PDE10A: variants seen among roughly 807,000 people sequenced by gnomAD.
PDE10A encodes cAMP and cAMP-inhibited cGMP 3',5'-cyclic phosphodiesterase 10A.
In PDE10A, 39 loss-of-function variants were observed where a neutral mutation model predicts 97.7. The ratio of observed to expected loss-of-function variants is 0.40; its 90% CI spans 0.31 to 0.52. The LOEUF (loss-of-function observed/expected upper bound fraction) is 0.52, where lower values mean the gene tolerates loss of function less well. Ranked by LOEUF, PDE10A falls within the 20% of genes least tolerant of loss-of-function variation. The pLI, the probability that PDE10A is intolerant of heterozygous loss-of-function variation, is 0.56. For synonymous variants in PDE10A, 371 were observed against 376.8 expected, an observed-to-expected ratio of 0.98 and a Z score of 0.18; for missense variants, 731 against 1,047.8, an observed-to-expected ratio of 0.70 and a Z score of 4.17.
chr6:165,359,101 C>A (rs1455904862), intron 18 of PDE10A, among the ~76,000 whole-genome samples: 3 of 151,984 alleles, frequency 2.0e-5, no homozygotes, highest in African/African-American at 7.2e-5. Flanking sequence ...CAAACCCTAT[C>A]TTACCCTAGT....
chr6:165,352,487 T>A (rs552281056), intron 18 of PDE10A, among the ~76,000 whole-genome samples: 1 of 152,272 alleles, frequency 6.6e-6, no homozygotes, highest in Admixed American at 6.5e-5. Context: ...TACCATATAT[T>A]AGCTATAAAG....
At chr6:165,960,705 A>G (rs1051244277) in intron 1 of PDE10A, among the ~76,000 whole-genome samples, 1 of 152,204 alleles carries the variant, frequency 6.6e-6, no homozygotes, top group Admixed American at 6.5e-5. Flanking sequence ...AAATGCAGAT[A>G]TGAGGGCGCT....
chr6:165,475,013 T>C (rs533283749), intron 3 of PDE10A, among the ~76,000 whole-genome samples: 7 of 152,220 alleles, frequency 4.6e-5, no homozygotes, highest in African/African-American at 1.7e-4. Flanking sequence ...TCCCTGGACC[T>C]CATCCCCTGC....
intron 18 of PDE10A, among the ~76,000 whole-genome samples, chr6:165,354,474 A>T (rs955793353): frequency 6.6e-6 from 1 of 152,158 alleles, no homozygotes; most frequent in Non-Finnish European, 1.5e-5. Flanking sequence ...TATAAAAGCC[A>T]CTCCAAGCTG....
intron 1 of PDE10A, among the ~76,000 whole-genome samples, chr6:165,749,818 C>A (rs890147596): frequency 1.3e-5 from 2 of 152,180 alleles, no homozygotes; most frequent in African/African-American, 4.8e-5. Context: ...TCTGAAATGC[C>A]TCAAGTTTCC....
chr6:165,398,943 G>A (rs1183953939), intron 13 of PDE10A, among the ~76,000 whole-genome samples: 2 of 152,010 alleles, frequency 1.3e-5, no homozygotes, highest in African/African-American at 2.4e-5. Context: ...AATTCTACTC[G>A]AACTATAAAG....
intron 1 of PDE10A, among the ~76,000 whole-genome samples, chr6:165,907,863 C>T (rs542129398): frequency 5.9e-5 from 9 of 152,310 alleles, no homozygotes; most frequent in Non-Finnish European, 1.2e-4. Context: ...TGTTCAGAGG[C>T]AGAGAGAAAA....
At chr6:165,627,510 T>A (rs1368003706) in intron 1 of PDE10A, among the ~76,000 whole-genome samples, 1 of 152,140 alleles carries the variant, frequency 6.6e-6, no homozygotes, top group Non-Finnish European at 1.5e-5. Flanking sequence ...GAAGATGTAA[T>A]TCCACACTAT....
At chr6:165,839,912 C>A (rs1460984742) in intron 1 of PDE10A, among the ~76,000 whole-genome samples, 11,090 of 141,050 alleles carry the variant, frequency 0.079, no homozygotes, top group Middle Eastern at 0.11. Context: ...TCTCCAACTC[C>A]ATCCCCAACC....
chr6:165,452,016 T>A (rs1791331868), intron 3 of PDE10A, among the ~76,000 whole-genome samples: 1 of 152,210 alleles, frequency 6.6e-6, no homozygotes, highest in African/African-American at 2.4e-5. Context: ...GAATGCTAGA[T>A]TTGGCTGATG....
intron 1 of PDE10A, among the ~76,000 whole-genome samples, chr6:165,757,763 G>A (rs1442121856): frequency 6.6e-6 from 1 of 152,062 alleles, no homozygotes; most frequent in Non-Finnish European, 1.5e-5. Flanking sequence ...GTCTAGTAGG[G>A]CAATTTTCAA....
chr6:165,639,873 G>T (rs994327836), intron 1 of PDE10A, among the ~76,000 whole-genome samples: 2 of 152,002 alleles, frequency 1.3e-5, no homozygotes, highest in Non-Finnish European at 2.9e-5. Context: ...TTCTTGACCA[G>T]TCTGGGCAAC....
intron 5 of PDE10A, among the ~76,000 whole-genome samples, chr6:165,441,773 T>G (rs921023221): frequency 6.6e-6 from 1 of 152,182 alleles, no homozygotes; most frequent in African/African-American, 2.4e-5. Flanking sequence ...TGGTGCCTGG[T>G]GATGACTGGG....
At chr6:165,735,694 C>A (rs902158259) in intron 1 of PDE10A, among the ~76,000 whole-genome samples, 3 of 152,136 alleles carry the variant, frequency 2.0e-5, no homozygotes, top group African/African-American at 7.2e-5. Flanking sequence ...CTGTTCAGGC[C>A]TTCATCTGAT....
chr6:165,817,013 G>A (rs1196888687), intron 1 of PDE10A, among the ~76,000 whole-genome samples: 1 of 152,152 alleles, frequency 6.6e-6, no homozygotes, highest in Non-Finnish European at 1.5e-5. Context: ...ATCACCCAGT[G>A]TTAGGGGGAA....
At chr6:165,415,248 T>C (rs1051099979) in intron 12 of PDE10A, among the ~76,000 whole-genome samples, 3 of 152,204 alleles carry the variant, frequency 2.0e-5, no homozygotes, top group Admixed American at 1.3e-4. Context: ...AGTGTACCCT[T>C]AATTTATTGA....
chr6:165,651,477 G>A (rs1318912375), intron 1 of PDE10A, among the ~76,000 whole-genome samples: 1 of 152,204 alleles, frequency 6.6e-6, no homozygotes, highest in Non-Finnish European at 1.5e-5. Context: ...ACTACAGGGA[G>A]TTGTTAACAT....
chr6:165,935,435 C>T (rs1783290731), intron 1 of PDE10A, among the ~76,000 whole-genome samples: 1 of 151,960 alleles, frequency 6.6e-6, no homozygotes, highest in African/African-American at 2.4e-5. Context: ...AAGGATTTAA[C>T]CAGGGGAAAG....
chr6:165,459,906 A>AG (rs1778219579), intron 3 of PDE10A, among the ~76,000 whole-genome samples: 1 of 152,218 alleles, frequency 6.6e-6, no homozygotes, highest in African/African-American at 2.4e-5. Context: ...GCCGCCAGAT[A>AG]GGGGAAAAAA....
Sources: allele counts gnomAD v4.1 joint callset (sites outside exome capture counted in the v4.1 genomes callset), GRCh38; gene constraint gnomAD v4.1.1; transcripts MANE v1.5; gene names NCBI Gene and HGNC (gene_info 2026-07-23, HGNC 2026-07-21).